The following NLK variants were observed in gnomAD, a reference collection of about 807,000 sequenced individuals.
The protein encoded by NLK is serine/threonine-protein kinase NLK.
In NLK, 11 loss-of-function variants were observed where a neutral mutation model predicts 59.0. The ratio of observed to expected loss-of-function variants is 0.19; its 90% CI spans 0.12 to 0.31. The LOEUF (loss-of-function observed/expected upper bound fraction) is 0.31, where lower values mean the gene tolerates loss of function less well. NLK is among the 10% of genes least tolerant of loss of function. NLK has a pLI of 1.00. For missense variants in NLK, 410 were observed against 661.1 expected (o/e 0.62, Z 4.16); for synonymous variants, 235 against 235.9 (o/e 1.00, Z 0.03).
chr17:28,080,511 TAATTACTTA>T (rs1910309009), intron 1 of NLK, among the ~76,000 whole-genome samples: 1 of 152,220 alleles, frequency 6.6e-6, no homozygotes, highest in Non-Finnish European at 1.5e-5. Flanking sequence ...CTGAAACAGG[TAATTACTTA>T]AATTTACTGT....
At chr17:28,054,485 C>T (rs913060708) in intron 1 of NLK, among the ~76,000 whole-genome samples, 3 of 152,110 alleles carry the variant, frequency 2.0e-5, no homozygotes, top group East Asian at 1.9e-4. Flanking sequence ...ATAATGTCGA[C>T]CAACAAAGCA....
chr17:28,192,117 C>T lies in NLK; in HGVS notation c.1436-3C>T, dbSNP rs747097652. On this transcript the variant is annotated splice_polypyrimidine_tract_variant and splice_region_variant and intron_variant, in intron 9 of 10. Transcript: ENST00000407008. ...GATTGTATGATGTTTGTTTTCTCCACAGAAATTATTCATCAGTTCATTTTG... is the reference window on the plus strand; with the variant it reads ...GATTGTATGATGTTTGTTTTCTCCATAGAAATTATTCATCAGTTCATTTTG... 6.3e-7 allele frequency: 1 copy of T among 1,581,354 alleles called. No individual in the cohort carries two copies. Among genetic ancestry groups the T allele is most frequent in the South Asian group, 1.1e-5 (1 of 88,510 alleles).
At chr17:28,123,701 C>T (rs1242069779) in intron 2 of NLK, among the ~76,000 whole-genome samples, 4 of 152,040 alleles carry the variant, frequency 2.6e-5, no homozygotes, top group Non-Finnish European at 5.9e-5. Flanking sequence ...ACATAGGCTA[C>T]CTTATTTATG....
intron 1 of NLK, among the ~76,000 whole-genome samples, chr17:28,098,557 T>C (rs1319590453): frequency 2.0e-5 from 3 of 152,176 alleles, no homozygotes; most frequent in Non-Finnish European, 4.4e-5. Flanking sequence ...ATGTATATTA[T>C]TGGCCACATC....
chr17:28,080,592 T>A (rs1007398445), intron 1 of NLK, among the ~76,000 whole-genome samples: 1 of 152,070 alleles, frequency 6.6e-6, no homozygotes, highest in African/African-American at 2.4e-5. Context: ...GAATGAAGGG[T>A]AAGTTCATGC....
chr17:28,159,224 T>C (rs1342229766), intron 3 of NLK, among the ~76,000 whole-genome samples: 1 of 152,228 alleles, frequency 6.6e-6, no homozygotes, highest in African/African-American at 2.4e-5. Context: ...AAATGATTTA[T>C]GGCCTGTGAG....
intron 1 of NLK, among the ~76,000 whole-genome samples, chr17:28,111,890 GTGTGTGGTGTGT>G (rs1464150097): frequency 1.7e-3 from 201 of 117,550 alleles, no homozygotes; most frequent in African/African-American, 6.6e-3. Context: ...GTGTGTGTGT[GTGTGTGGTGTGT>G]GTGTGTGTGT....
At chr17:28,072,327 CTTTTT>C (rs56146394) in intron 1 of NLK, among the ~76,000 whole-genome samples, 1 of 132,748 alleles carries the variant, frequency 7.5e-6, no homozygotes. Context: ...TCTTCTTTTT[CTTTTT>C]TTTTTTTTTT....
chr17:28,062,850 C>T (rs567588755), intron 1 of NLK, among the ~76,000 whole-genome samples: 2 of 152,126 alleles, frequency 1.3e-5, no homozygotes, highest in East Asian at 1.9e-4. Context: ...CAAAGTGTTG[C>T]GATTACAGGC....
At chr17:28,104,467 G>A (rs1218582013) in intron 1 of NLK, among the ~76,000 whole-genome samples, 2 of 152,048 alleles carry the variant, frequency 1.3e-5, no homozygotes, top group Admixed American at 1.3e-4. Flanking sequence ...TGTTGGTCAG[G>A]CTGGTCTCGA....
At chr17:28,179,360 A>T (rs941056103) in intron 7 of NLK, among the ~76,000 whole-genome samples, 1 of 152,002 alleles carries the variant, frequency 6.6e-6, no homozygotes, top group African/African-American at 2.4e-5. Flanking sequence ...CTCTCGAATA[A>T]CTGGGACTAC....
chr17:28,043,880 A>T (rs1908961034), intron 1 of NLK, among the ~76,000 whole-genome samples: 2 of 152,240 alleles, frequency 1.3e-5, no homozygotes, highest in Non-Finnish European at 2.9e-5. Flanking sequence ...ATTTTAAACC[A>T]TAAAGCTACA....
intron 1 of NLK, among the ~76,000 whole-genome samples, chr17:28,068,350 AG>A (rs1411901070): frequency 6.6e-6 from 1 of 152,132 alleles, no homozygotes; most frequent in Admixed American, 6.5e-5. Context: ...AGTAGTCAGA[AG>A]GGGGAAAGAG....
intron 1 of NLK, among the ~76,000 whole-genome samples, chr17:28,109,626 G>A (rs1400419578): frequency 6.6e-6 from 1 of 152,034 alleles, no homozygotes; most frequent in East Asian, 1.9e-4. Flanking sequence ...AGTCTTTTGT[G>A]TTTGGCTTCT....
At chr17:28,200,343 G>A (rs1192960274), downstream of NLK, among the ~76,000 whole-genome samples, 1 of 152,090 alleles carries the variant, frequency 6.6e-6, no homozygotes, top group African/African-American at 2.4e-5. Context: ...AAGTTGTGAT[G>A]TTTAGGTTGA....
At chr17:28,045,973 C>G (rs1313139091) in intron 1 of NLK, among the ~76,000 whole-genome samples, 2 of 152,178 alleles carry the variant, frequency 1.3e-5, no homozygotes, top group Non-Finnish European at 2.9e-5. Flanking sequence ...TTATAAGATT[C>G]ACTTAATTCA....
downstream of NLK, among the ~76,000 whole-genome samples, chr17:28,200,773 C>T (rs1046871847): frequency 5.3e-5 from 8 of 152,220 alleles, no homozygotes; most frequent in South Asian, 2.1e-4. Context: ...CAAGCCACCA[C>T]GCCCGGCCAA....
intron 1 of NLK, among the ~76,000 whole-genome samples, chr17:28,122,152 A>T (rs1263824834): frequency 1.3e-5 from 2 of 152,230 alleles, no homozygotes; most frequent in African/African-American, 4.8e-5. Flanking sequence ...TACATAAGAA[A>T]TCTAAATATT....
rs1446344466 is a variant in NLK at position 28,121,824 on chromosome 17, A to G, written c.459-779A>G. Among the ~76,000 whole-genome samples the G allele has an allele frequency of 2.0e-5, 3 of 152,030 alleles. No individual in the cohort carries two copies. In the East Asian group the frequency reaches 5.8e-4, roughly 29 times the overall value. On this transcript the variant is annotated intron_variant, in intron 1 of 10. Coordinates refer to ENST00000407008, the MANE Select transcript of NLK (RefSeq NM_016231.5). ...TGACATTCTTTTACCTATTTAGTTA[A>G]TATGTATCAACTGGGTTCAGTCAGA...
Sources: allele counts gnomAD v4.1 joint callset (sites outside exome capture counted in the v4.1 genomes callset), GRCh38; gene constraint gnomAD v4.1.1; transcripts MANE v1.5; gene names NCBI Gene and HGNC (gene_info 2026-07-23, HGNC 2026-07-21).